The following PTPRN2 variants were observed in gnomAD, a reference collection of about 807,000 sequenced individuals.
PTPRN2 encodes protein tyrosine phosphatase receptor type N2.
A neutral mutation model predicts 118.8 loss-of-function variants in PTPRN2; 74 were observed. That is an observed-to-expected ratio of 0.62 (90% confidence interval 0.52 to 0.76). The LOEUF is 0.76. Ranked by LOEUF, PTPRN2 falls within the 30% of genes least tolerant of loss-of-function variation. The probability of loss-of-function intolerance (pLI) is 0.00; values close to 1 mark genes in which losing one functional copy is unlikely to be tolerated. For missense variants in PTPRN2, 1,481 were observed against 1,394.4 expected, an observed-to-expected ratio of 1.06 and a Z score of -0.99; for synonymous variants, 641 against 608.0, an observed-to-expected ratio of 1.05 and a Z score of -0.80.
At chr7:158,333,601 C>A (rs10261692) in intron 2 of PTPRN2, among the ~76,000 whole-genome samples, 17,484 of 118,866 alleles carry the variant, frequency 0.15, 117 homozygotes, top group African/African-American at 0.22. Flanking sequence ...CACACACCCA[C>A]ACTCTCACTA....
At position 157,874,297 on chromosome 7, in the gene PTPRN2, G is replaced by T. The variant is rs1230824669; in HGVS notation, c.1788+24376C>A. ...AAATCAGATCACAGCCCCTAAGCCT[G>T]GACTGCAGTGCTCCACTTGGCCTCG... On this transcript the variant is annotated intron_variant, in intron 12 of 22. Coordinates refer to ENST00000389418, the MANE Select transcript of PTPRN2 (RefSeq NM_002847.5). The surrounding 1 kb of genome is among the most constrained non-coding windows in gnomAD (Gnocchi z 5.8). 6.6e-6 allele frequency among the ~76,000 whole-genome samples: 1 copy of T among 152,130 alleles called. No individual in the cohort carries two copies. The highest frequency in any genetic ancestry group is 1.5e-5 in the Non-Finnish European group (1 of 68,026).
chr7:157,872,430 C>T (rs1469861756), intron 12 of PTPRN2, among the ~76,000 whole-genome samples: 1 of 150,126 alleles, frequency 6.7e-6, no homozygotes. Flanking sequence ...TTCCCACACA[C>T]ACATACCCAG....
Position 157,669,427 on chromosome 7 carries a change from A to G in PTPRN2, c.2002-12876T>C, listed in dbSNP as rs563277679. ...AACCCACACACGTGTTTGCACGCGC[A>G]CACACACACACACCCAGGGGAGGAT... On this transcript the variant is annotated intron_variant, in intron 13 of 22. Transcript: ENST00000389418. The G allele has an allele frequency of 4.0e-4, 165 of 412,536 alleles. 1 individual carries two copies. The highest frequency in any genetic ancestry group is 1.9e-3 in the African/African-American group (92 of 48,136). 25.6% of individuals were successfully genotyped at this position (412,536 alleles called of 1,614,324 possible). A position where few individuals can be genotyped will look rare whatever the true frequency, so the allele number is the denominator to read the frequency against.
rs1351555117 is a variant in PTPRN2, at chr7:157,590,204, C to T, written c.2496+5034G>A. Among the ~76,000 whole-genome samples the T allele has an allele frequency of 6.6e-6, 1 of 152,066 alleles. No homozygotes were observed. The highest frequency in any genetic ancestry group is 2.4e-5 in the African/African-American group (1 of 41,392). ...TTCCATTCTTCCTTTAAAATTGTTC[C>T]ACACTTTAAAAAAAAAGTTTATATG... is the stretch of plus-strand genomic sequence containing the variant. On this transcript the variant is annotated intron_variant, in intron 17 of 22. Coordinates refer to ENST00000389418, the MANE Select transcript of PTPRN2 (RefSeq NM_002847.5). This position sits in a 1 kb window ranked among gnomAD's most constrained non-coding sequence, Gnocchi z 4.0.
intron 2 of PTPRN2, among the ~76,000 whole-genome samples, chr7:158,342,512 A>C: frequency 1.0e-5 from 1 of 97,194 alleles, no homozygotes; most frequent in Non-Finnish European, 2.0e-5. Context: ...CACTCTCACC[A>C]TAAGAGCTGA....
Position 157,621,326 on chromosome 7 carries a change from T to A in PTPRN2, c.2344+36A>T, listed in dbSNP as rs13309861. 2.5e-6 allele frequency: 4 copies of A among 1,571,570 alleles called. No homozygotes were observed. In the African/African-American group the frequency reaches 5.7e-5, roughly 22 times the overall value. On this transcript the variant is annotated intron_variant, in intron 15 of 22. Coordinates refer to ENST00000389418, the MANE Select transcript of PTPRN2 (RefSeq NM_002847.5). The stretch of plus-strand genomic sequence containing the variant: ...CAGCACGGCCAGTTTCCACCGCCCG[T>A]AACCCAGGCTTCCTGCCCCCGGGGC...
chr7:158,165,794 CAA>C (rs1822911312), intron 6 of PTPRN2, among the ~76,000 whole-genome samples: 1 of 152,306 alleles, frequency 6.6e-6, no homozygotes, highest in Admixed American at 6.5e-5. Context: ...CTCCATATCA[CAA>C]AGAGTCGCAG....
At chr7:158,381,599 C>G (rs12698243) in intron 2 of PTPRN2, among the ~76,000 whole-genome samples, 134,306 of 152,182 alleles carry the variant, frequency 0.88, 60,696 homozygotes, top group Non-Finnish European at 0.97. Context: ...GCTGAGCCCT[C>G]CAAACTGTTC....
chr7:158,311,321 C>T lies in PTPRN2; in HGVS notation c.277+5498G>A, dbSNP rs73528051. ...ACATATTTGGTTTTTTTGCTTTTTG[C>T]TTCTGACATGCAGCTCAATAAGTCA... On this transcript the variant is annotated intron_variant, in intron 3 of 22. Transcript: ENST00000389418. 7.6e-3 allele frequency among the ~76,000 whole-genome samples: 1,154 copies of T among 152,204 alleles called. 17 individuals carry two copies. The highest frequency in any genetic ancestry group is 0.026 in the African/African-American group (1,099 of 41,548).
At chr7:157,631,745 C>T (rs907250615) in intron 14 of PTPRN2, among the ~76,000 whole-genome samples, 7 of 151,226 alleles carry the variant, frequency 4.6e-5, no homozygotes, top group Admixed American at 1.3e-4. Flanking sequence ...GGCAGGAGAA[C>T]GGCGTGAACC....
chr7:157,689,558 CTAACTT>C (rs754427552), intron 12 of PTPRN2, among the ~76,000 whole-genome samples: 2 of 152,248 alleles, frequency 1.3e-5, no homozygotes, highest in Non-Finnish European at 2.9e-5. Flanking sequence ...GATTTTAACT[CTAACTT>C]GGGGGTTCGC....
intron 13 of PTPRN2, among the ~76,000 whole-genome samples, chr7:157,658,109 G>T (rs377221795): frequency 6.6e-6 from 1 of 150,502 alleles, no homozygotes; most frequent in East Asian, 1.9e-4. Context: ...TGTCATCAAC[G>T]TGGAATATTC....
chr7:158,412,817 C>A (rs1182203904), intron 2 of PTPRN2, among the ~76,000 whole-genome samples: 2 of 141,826 alleles, frequency 1.4e-5, no homozygotes, highest in African/African-American at 5.3e-5. Context: ...CATCTCAGCA[C>A]CCTCCTCAGC....
intron 12 of PTPRN2, among the ~76,000 whole-genome samples, chr7:157,866,638 C>G (rs1311377035): frequency 6.6e-6 from 1 of 152,046 alleles, no homozygotes; most frequent in Non-Finnish European, 1.5e-5. Flanking sequence ...AGCATGAGTG[C>G]CCAGCTCAGG....
chr7:157,614,229 G>T (rs931375346), intron 15 of PTPRN2: 9 of 420,050 alleles, frequency 2.1e-5, no homozygotes, highest in Admixed American at 8.0e-5. Flanking sequence ...TGGCAAGGTC[G>T]CAGAGCAGGC....
chr7:158,519,067 T>G (rs1254336328), intron 1 of PTPRN2, among the ~76,000 whole-genome samples: 1 of 152,334 alleles, frequency 6.6e-6, no homozygotes, highest in East Asian at 1.9e-4. Flanking sequence ...GCTCCCTTTA[T>G]GCCAACAGGC....
chr7:157,581,857 TAGA>T (rs1006786015), intron 17 of PTPRN2, among the ~76,000 whole-genome samples: 4 of 152,208 alleles, frequency 2.6e-5, no homozygotes, highest in African/African-American at 9.6e-5. Context: ...ACTGTGTCTT[TAGA>T]AGAAGAGGGA....
chr7:158,049,327 G>A (rs1384095236), intron 11 of PTPRN2, among the ~76,000 whole-genome samples: 6 of 152,146 alleles, frequency 3.9e-5, no homozygotes, highest in Non-Finnish European at 7.4e-5. Context: ...GATTCTCTGT[G>A]CCGTCTTCCT....
intron 12 of PTPRN2, among the ~76,000 whole-genome samples, chr7:157,730,119 G>C (rs968336808): frequency 6.6e-6 from 1 of 152,166 alleles, no homozygotes; most frequent in African/African-American, 2.4e-5. Flanking sequence ...AGTAGGGACA[G>C]AGCCTGGCAA....
Sources: gnomAD v4.1 joint callset for allele counts (sites outside exome capture counted in the v4.1 genomes callset) on GRCh38, gnomAD v4.1.1 for gene constraint, Gnocchi (gnomAD v3.1) non-coding constraint, MANE v1.5 for transcripts, NCBI Gene and HGNC (gene_info 2026-07-23, HGNC 2026-07-21) for gene names.